The following PACRG variants were observed in gnomAD, a reference collection of about 807,000 sequenced individuals.
The protein encoded by PACRG is parkin coregulated.
In PACRG, 29 loss-of-function variants were observed where a neutral mutation model predicts 29.7. The observed-to-expected ratio is 0.98, with a 90% CI of 0.73 to 1.33. The LOEUF (loss-of-function observed/expected upper bound fraction) is 1.33, where lower values mean the gene tolerates loss of function less well. Ranked by LOEUF, PACRG falls within the 40% of genes most tolerant of loss-of-function variation. The probability of loss-of-function intolerance (pLI) is 0.00; values close to 1 mark genes in which losing one functional copy is unlikely to be tolerated. For missense variants in PACRG, 279 were observed against 316.2 expected (o/e 0.88, Z 0.89); for synonymous variants, 116 against 118.7 (o/e 0.98, Z 0.15).
chr6:163,279,646 A>T (rs73603705), intron 4 of PACRG, among the ~76,000 whole-genome samples: 1,917 of 152,220 alleles, frequency 0.013, 34 homozygotes, highest in African/African-American at 0.044. Context: ...ATTCAATCAG[A>T]GGTTTAATAT....
At chr6:163,231,687 G>A (rs1230900227) in intron 4 of PACRG, among the ~76,000 whole-genome samples, 1 of 152,186 alleles carries the variant, frequency 6.6e-6, no homozygotes, top group African/African-American at 2.4e-5. Context: ...CCCACCAGGT[G>A]ACTCCTTTTA....
intron 2 of PACRG, among the ~76,000 whole-genome samples, chr6:162,982,818 C>G (rs1290531090): frequency 6.6e-6 from 1 of 151,864 alleles, no homozygotes; most frequent in African/African-American, 2.4e-5. Flanking sequence ...TCTGTTAAGT[C>G]CATTTGTTAT....
At chr6:163,211,580 C>A (rs1781143685) in intron 4 of PACRG, among the ~76,000 whole-genome samples, 1 of 152,084 alleles carries the variant, frequency 6.6e-6, no homozygotes, top group Admixed American at 6.5e-5. Flanking sequence ...TGGACAAGAA[C>A]ACATTTGTTG....
chr6:162,892,687 G>C (rs540846393), intron 2 of PACRG, among the ~76,000 whole-genome samples: 4 of 152,168 alleles, frequency 2.6e-5, no homozygotes, highest in Admixed American at 2.6e-4. Context: ...CCCTACAGTG[G>C]TTCACACAGG....
At chr6:163,228,057 C>G (rs1484515936) in intron 4 of PACRG, among the ~76,000 whole-genome samples, 2 of 151,998 alleles carry the variant, frequency 1.3e-5, no homozygotes, top group Non-Finnish European at 1.5e-5. Context: ...GGAAATGTAT[C>G]CAGAAGGTTA....
At chr6:163,172,420 A>G (rs2747693) in intron 4 of PACRG, among the ~76,000 whole-genome samples, 134,959 of 152,268 alleles carry the variant, frequency 0.89, 59,935 homozygotes, top group African/African-American at 0.93. Flanking sequence ...GGAGAAACAG[A>G]AAGTTGCCCC....
chr6:163,272,069 C>T lies in PACRG; in HGVS notation c.614-42758C>T, dbSNP rs558642130. 6.3e-5 allele frequency among the ~76,000 whole-genome samples: 9 copies of T among 142,948 alleles called. No individual in the cohort carries two copies. The South Asian group carries it at 8.8e-4, about 14-fold the overall frequency. 93.8% of individuals were successfully genotyped at this position (142,948 alleles called of 152,430 possible). Reference sequence around the variant, plus strand: ...TTTTTTTTTTTTCAAGATGGAGTCTCGCTCTCTCACCCAGGCTGGAGTGCA... The same window carrying T: ...TTTTTTTTTTTTCAAGATGGAGTCTTGCTCTCTCACCCAGGCTGGAGTGCA... On this transcript the variant is annotated intron_variant, in intron 4 of 4. Coordinates refer to ENST00000366888, the MANE Select transcript of PACRG (RefSeq NM_001080379.2).
intron 2 of PACRG, among the ~76,000 whole-genome samples, chr6:162,994,407 A>G (rs1028893700): frequency 4.7e-5 from 7 of 147,752 alleles, no homozygotes; most frequent in Non-Finnish European, 7.5e-5. Flanking sequence ...GTCTTTTCAC[A>G]TAGTCCCATA....
At chr6:163,269,789 A>AAGGAAGGAAGG (rs58330449) in intron 4 of PACRG, among the ~76,000 whole-genome samples, 4 of 84,518 alleles carry the variant, frequency 4.7e-5, no homozygotes, top group African/African-American at 1.3e-4. Context: ...AGACAGAAAG[A>AAGGAAGGAAGG]AAGAAAGGAA....
At chr6:163,046,978 A>G (rs1809467258) in intron 2 of PACRG, among the ~76,000 whole-genome samples, 1 of 152,228 alleles carries the variant, frequency 6.6e-6, no homozygotes, top group Non-Finnish European at 1.5e-5. Flanking sequence ...TCTTCTTAAA[A>G]TTGCCTCCTG....
chr6:162,911,494 T>C (rs1325630888), intron 2 of PACRG, among the ~76,000 whole-genome samples: 3 of 152,180 alleles, frequency 2.0e-5, no homozygotes, highest in Admixed American at 6.5e-5. Flanking sequence ...TTTTGAAAAA[T>C]ATATTGAGTG....
At chr6:163,225,472 T>C (rs1021164275) in intron 4 of PACRG, among the ~76,000 whole-genome samples, 1 of 152,204 alleles carries the variant, frequency 6.6e-6, no homozygotes, top group African/African-American at 2.4e-5. Flanking sequence ...TCCTGAGGCC[T>C]CCCCAGCCAT....
At chr6:162,999,532 C>A (rs542757798) in intron 2 of PACRG, among the ~76,000 whole-genome samples, 1 of 152,160 alleles carries the variant, frequency 6.6e-6, no homozygotes, top group Non-Finnish European at 1.5e-5. Flanking sequence ...GACCCTCAAC[C>A]AATTTAAATT....
At chr6:162,818,905 C>T (rs902305796) in intron 2 of PACRG, among the ~76,000 whole-genome samples, 4 of 152,094 alleles carry the variant, frequency 2.6e-5, no homozygotes, top group Non-Finnish European at 5.9e-5. Context: ...TAGAATACCA[C>T]CCTTTTATGC....
At chr6:162,952,274 A>G (rs1245019024) in intron 2 of PACRG, among the ~76,000 whole-genome samples, 2 of 152,232 alleles carry the variant, frequency 1.3e-5, no homozygotes, top group Non-Finnish European at 2.9e-5. Flanking sequence ...AGGTCATGAA[A>G]TAGTCTGAAC....
intron 2 of PACRG, among the ~76,000 whole-genome samples, chr6:162,897,246 T>C (rs550851738): frequency 6.6e-6 from 1 of 152,210 alleles, no homozygotes; most frequent in Non-Finnish European, 1.5e-5. Flanking sequence ...TTTTTCAAAC[T>C]TCAGTACTAA....
chr6:162,879,519 T>C (rs1480708308), intron 2 of PACRG, among the ~76,000 whole-genome samples: 1 of 152,126 alleles, frequency 6.6e-6, no homozygotes, highest in Non-Finnish European at 1.5e-5. Context: ...TGATCTATTC[T>C]GTTCATCTAC....
Position 162,950,922 on chromosome 6 carries a change from T to C in PACRG, c.292-111228T>C, listed in dbSNP as rs533046162. On this transcript the variant is annotated intron_variant, in intron 2 of 4. Coordinates refer to ENST00000366888, the MANE Select transcript of PACRG (RefSeq NM_001080379.2). ...ACTTAGTGAAACAAGTGAACAAAGA[T>C]TGGGGACTGCAGTACAGCTTTTAAT... Among the ~76,000 whole-genome samples the C allele has an allele frequency of 4.6e-5, 7 of 152,306 alleles. No homozygotes were observed. In the South Asian group the frequency reaches 8.3e-4, roughly 18 times the overall value.
intron 4 of PACRG, among the ~76,000 whole-genome samples, chr6:163,285,399 A>C (rs548423481): frequency 2.0e-5 from 3 of 152,092 alleles, no homozygotes; most frequent in African/African-American, 7.2e-5. Flanking sequence ...TCTCCCGTCT[A>C]AGCTCCCACA....
Sources: gnomAD v4.1 joint callset for allele counts (sites outside exome capture counted in the v4.1 genomes callset) on GRCh38, gnomAD v4.1.1 for gene constraint, MANE v1.5 for transcripts, NCBI Gene and HGNC (gene_info 2026-07-23, HGNC 2026-07-21) for gene names.